The following SCP2 variants were observed in gnomAD, a reference collection of about 807,000 sequenced individuals.
SCP2 encodes the protein SCP-2/3-oxoacyl-CoA thiolase.
SCP2 carries 48 observed loss-of-function variants against 71.4 expected under a neutral mutation model. The observed-to-expected ratio is 0.67, with a 90% CI of 0.53 to 0.86. The LOEUF (loss-of-function observed/expected upper bound fraction) is 0.86. SCP2 is among the 40% of genes least tolerant of loss of function. The pLI is 0.00. For synonymous variants in SCP2, 220 were observed against 218.1 expected (o/e 1.01, Z -0.08); for missense variants, 560 against 655.6 (o/e 0.85, Z 1.59).
intron 6 of SCP2, among the ~76,000 whole-genome samples, chr1:52,965,781 C>T (rs984672653): frequency 2.0e-5 from 3 of 151,520 alleles, no homozygotes; most frequent in East Asian, 1.9e-4. Flanking sequence ...ATTACAGGTG[C>T]GCATCACCAA....
At chr1:53,030,955 A>G (rs1662504388) in intron 13 of SCP2, among the ~76,000 whole-genome samples, 1 of 151,804 alleles carries the variant, frequency 6.6e-6, no homozygotes, top group Non-Finnish European at 1.5e-5. Flanking sequence ...GTAGGAAAAA[A>G]TATCTCATTG....
intron 14 of SCP2, among the ~76,000 whole-genome samples, chr1:53,045,253 A>C (rs7519017): frequency 6.6e-6 from 1 of 152,154 alleles, no homozygotes; most frequent in East Asian, 1.9e-4. Flanking sequence ...CATTATTTCA[A>C]ATCCTATCAC....
chr1:53,006,757 C>T (rs1313560237), intron 11 of SCP2, among the ~76,000 whole-genome samples: 1 of 80,918 alleles, frequency 1.2e-5, no homozygotes, highest in East Asian at 4.9e-4. Context: ...TCATAATGAC[C>T]AGGATCAAAT....
At position 52,954,772 on chromosome 1, in the gene SCP2, G is replaced by C. The variant is rs1655644129; in HGVS notation, c.364G>C (p.Glu122Gln). The change falls in exon 5 of 16, where the codon GAG (glutamate) becomes CAG (glutamine). Residue 122 changes from glutamate (E) to glutamine (Q), a missense_variant. Glu to Gln is a conservative substitution (Grantham distance 29). Transcript: ENST00000371514. ...AGAATGTGTCTTGGCTCTTGGGTTT[G>C]AGAAGATGAGTAAGGGAAGCCTTGG... ...VAECVLALGF[E>Q]KMSKGSLGIK... 2 of 1,613,790 alleles carry C rather than the reference G, an allele frequency of 1.2e-6. No individual in the cohort carries two copies. Among genetic ancestry groups the C allele is most frequent in the African/African-American group, 2.7e-5 (2 of 74,922 alleles).
At chr1:52,997,267 C>T (rs1353531653) in intron 11 of SCP2, among the ~76,000 whole-genome samples, 1 of 152,114 alleles carries the variant, frequency 6.6e-6, no homozygotes, top group Non-Finnish European at 1.5e-5. Flanking sequence ...CTCCCTGGTT[C>T]AAGTGATTCT....
In SCP2 at chr1:53,036,019, C is replaced by CAAA. The variant is rs35164089; in HGVS notation, c.1339-2879_1339-2877dup. ...TGGGCGACAGAGCGAGACTCCGTCT[C>CAAA]AAAAAAAAAAAAAAAAAAAAAGAAA... On this transcript the variant is annotated intron_variant, in intron 13 of 15. Coordinates refer to ENST00000371514, the MANE Select transcript of SCP2 (RefSeq NM_002979.5). 5.2e-3 allele frequency among the ~76,000 whole-genome samples: 329 copies of CAAA among 63,064 alleles called. 5 individuals are homozygous for CAAA. The highest frequency in any genetic ancestry group is 0.017 in the Middle Eastern group (2 of 120). 41.4% of individuals were successfully genotyped at this position (63,064 alleles called of 152,430 possible).
rs72670837 is a variant in SCP2 at position 53,022,366 on chromosome 1, A to G, written c.1236-5603A>G. Among the ~76,000 whole-genome samples the G allele has an allele frequency of 8.8e-3, 1,341 of 152,134 alleles. 19 individuals are homozygous for G. The highest frequency in any genetic ancestry group is 0.013 in the Non-Finnish European group (879 of 67,976). On this transcript the variant is annotated intron_variant, in intron 12 of 15. Transcript: ENST00000371514. ...CCACATTCTGTCATTACTTCTTGTTACCTATCTTTTTAGTGTTAGCCATCC... is the reference window on the plus strand; with the variant it reads ...CCACATTCTGTCATTACTTCTTGTTGCCTATCTTTTTAGTGTTAGCCATCC...
intron 14 of SCP2, among the ~76,000 whole-genome samples, chr1:53,045,054 T>C (rs1335642726): frequency 1.3e-5 from 2 of 152,188 alleles, no homozygotes; most frequent in Non-Finnish European, 2.9e-5. Flanking sequence ...ATCACCTGTT[T>C]TTTTGTTTTG....
At chr1:53,001,573 G>A (rs1284387020) in intron 11 of SCP2, among the ~76,000 whole-genome samples, 1 of 152,172 alleles carries the variant, frequency 6.6e-6, no homozygotes, top group Non-Finnish European at 1.5e-5. Flanking sequence ...TAGAGGCATG[G>A]AGAGTTTAAA....
intron 1 of SCP2, among the ~76,000 whole-genome samples, chr1:52,933,850 T>G (rs1011175443): frequency 6.6e-6 from 1 of 152,250 alleles, no homozygotes; most frequent in African/African-American, 2.4e-5. Flanking sequence ...TTTCATTGTA[T>G]GTTGACATTT....
chr1:52,956,971 G>A lies in SCP2; in HGVS notation c.396+2167G>A, dbSNP rs891565660. On this transcript the variant is annotated intron_variant, in intron 5 of 15. Transcript: ENST00000371514. ...GTCACCCAGGCTGGAGTGCAGTGGT[G>A]CAATCTTGGCTCACTGCAACCTCCG... is the stretch of plus-strand genomic sequence containing the variant. Among the ~76,000 whole-genome samples, 17 of 142,374 alleles carry A rather than the reference G, an allele frequency of 1.2e-4. No individual in the cohort carries two copies. In the East Asian group the frequency reaches 2.5e-3, roughly 21 times the overall value. 93.4% of individuals were successfully genotyped at this position (142,374 alleles called of 152,430 possible).
intron 10 of SCP2, among the ~76,000 whole-genome samples, chr1:52,984,398 T>TA (rs1457076066): frequency 2.4e-4 from 37 of 152,282 alleles, no homozygotes; most frequent in African/African-American, 8.9e-4. Context: ...CAGTTTTTTT[T>TA]ATTTTTATTT....
At chr1:53,050,395 C>G (rs1664129374) in intron 15 of SCP2, 1 of 494,950 alleles carries the variant, frequency 2.0e-6, no homozygotes. Context: ...GGGAAAGCTG[C>G]TCCTTTCTGC....
intron 13 of SCP2, among the ~76,000 whole-genome samples, chr1:53,037,381 T>C (rs1663029788): frequency 6.6e-6 from 1 of 152,184 alleles, no homozygotes; most frequent in South Asian, 2.1e-4. Flanking sequence ...TGTGTTTCCC[T>C]TGATCGCAGC....
chr1:53,031,049 A>T (rs1195519207), intron 13 of SCP2, among the ~76,000 whole-genome samples: 2 of 152,102 alleles, frequency 1.3e-5, no homozygotes, highest in East Asian at 3.9e-4. Flanking sequence ...TTTGGTTTTT[A>T]AAAATGCTGC....
chr1:52,973,263 G>A (rs900305293), intron 6 of SCP2, among the ~76,000 whole-genome samples: 54 of 152,060 alleles, frequency 3.6e-4, no homozygotes, highest in African/African-American at 1.3e-3. Context: ...TAGTGCAATA[G>A]TAAAGGCTCC....
intron 13 of SCP2, among the ~76,000 whole-genome samples, chr1:53,035,968 C>T (rs1027732095): frequency 4.9e-5 from 7 of 142,966 alleles, no homozygotes; most frequent in African/African-American, 1.1e-4. Context: ...TGCAGTGAGC[C>T]GAGATCAGGC....
rs1658167386 is a variant in SCP2 at position 52,978,272 on chromosome 1, A to G, written c.730A>G (p.Lys244Glu). ...TTTGGCCAGTGAAGCATTTGTACAGAAGTATGGCCTGCAATCCAAAGCTGT... is the reference window on the plus strand; with the variant it reads ...TTTGGCCAGTGAAGCATTTGTACAGGAGTATGGCCTGCAATCCAAAGCTGT... ...AILASEAFVQ[K>E]YGLQSKAVEI... The change falls in exon 9 of 16, where the codon AAG becomes GAG. Residue 244 changes from lysine to glutamate, a missense_variant. Transcript: ENST00000371514. The G allele has an allele frequency of 6.2e-7, 1 of 1,614,128 alleles. No homozygotes were observed. Among genetic ancestry groups the G allele is most frequent in the East Asian group, 2.2e-5 (1 of 44,880 alleles).
intron 11 of SCP2, among the ~76,000 whole-genome samples, chr1:53,009,389 A>G (rs1261945924): frequency 2.6e-5 from 4 of 152,252 alleles, no homozygotes; most frequent in Non-Finnish European, 5.9e-5. Context: ...CTACAAGGCT[A>G]CAGTAACCAA....
Sources: allele counts gnomAD v4.1 joint callset (sites outside exome capture counted in the v4.1 genomes callset), GRCh38; gene constraint gnomAD v4.1.1; transcripts MANE v1.5; gene names NCBI Gene and HGNC (gene_info 2026-07-23, HGNC 2026-07-21).